The following RBFOX1 variants were observed in gnomAD, a reference collection of about 807,000 sequenced individuals.
The protein encoded by RBFOX1 is RNA binding protein fox-1 homolog 1.
In RBFOX1, 8 loss-of-function variants were observed where a neutral mutation model predicts 57.7. The observed-to-expected ratio is 0.14, with a 90% CI of 0.08 to 0.25. The LOEUF (loss-of-function observed/expected upper bound fraction) is 0.25. Ranked by LOEUF, RBFOX1 falls within the 10% of genes least tolerant of loss-of-function variation. The pLI is 1.00. For missense variants in RBFOX1, 611 were observed against 548.5 expected (o/e 1.11, Z -1.14); for synonymous variants, 326 against 222.4 (o/e 1.47, Z -4.15).
intron 1 of RBFOX1, among the ~76,000 whole-genome samples, chr16:5,349,669 C>T (rs546917357): frequency 4.3e-4 from 66 of 151,860 alleles, no homozygotes; most frequent in African/African-American, 1.5e-3. Context: ...AAAACTGTGT[C>T]TGGGAAGAAA....
chr16:7,252,661 A>T (rs530056416), intron 4 of RBFOX1, among the ~76,000 whole-genome samples: 29 of 149,542 alleles, frequency 1.9e-4, no homozygotes, highest in African/African-American at 7.1e-4. Flanking sequence ...GGTGTCAGCT[A>T]CTTGTCCTAG....
intron 1 of RBFOX1, among the ~76,000 whole-genome samples, chr16:6,030,154 C>G (rs915690920): frequency 5.9e-5 from 9 of 152,154 alleles, no homozygotes; most frequent in African/African-American, 2.2e-4. Flanking sequence ...TCTTGAACTC[C>G]TGGGGTCAAG....
chr16:5,991,644 A>AT (rs1567229399), intron 4 of RBFOX1, among the ~76,000 whole-genome samples: 3 of 78,764 alleles, frequency 3.8e-5, no homozygotes. Flanking sequence ...ATTATTAGAT[A>AT]GTTTTTTTTT....
At chr16:6,678,269 C>T (rs12935190) in intron 3 of RBFOX1, among the ~76,000 whole-genome samples, 22,289 of 152,026 alleles carry the variant, frequency 0.15, 1,768 homozygotes, top group Middle Eastern at 0.19. Flanking sequence ...GGACTGCAGG[C>T]GTGTACCACC....
chr16:7,475,605 C>G (rs1052168215), intron 4 of RBFOX1, among the ~76,000 whole-genome samples: 1 of 151,552 alleles, frequency 6.6e-6, no homozygotes, highest in Non-Finnish European at 1.5e-5. Flanking sequence ...GAGCCACACA[C>G]CCAGCTAGGA....
intron 2 of RBFOX1, among the ~76,000 whole-genome samples, chr16:5,593,613 G>T (rs552705006): frequency 6.6e-6 from 1 of 152,148 alleles, no homozygotes; most frequent in Non-Finnish European, 1.5e-5. Context: ...TCCCACCAGC[G>T]TCATGACAGA....
At chr16:7,506,704 T>G (rs1283447186) in intron 4 of RBFOX1, among the ~76,000 whole-genome samples, 1 of 152,194 alleles carries the variant, frequency 6.6e-6, no homozygotes, top group African/African-American at 2.4e-5. Flanking sequence ...TCGGGTTCTT[T>G]CCCTTACTAA....
chr16:6,657,401 C>T (rs185733049), intron 3 of RBFOX1, among the ~76,000 whole-genome samples: 2 of 152,202 alleles, frequency 1.3e-5, no homozygotes, highest in Admixed American at 1.3e-4. Flanking sequence ...CGCTAATGAT[C>T]CCTGAGGGAC....
intron 3 of RBFOX1, among the ~76,000 whole-genome samples, chr16:6,804,027 G>T (rs1389107630): frequency 6.7e-5 from 10 of 150,294 alleles, no homozygotes; most frequent in Admixed American, 5.9e-4. Flanking sequence ...TTTTTTTCGA[G>T]ATGGAGTCTT....
chr16:7,034,666 T>C (rs1308673025), intron 3 of RBFOX1, among the ~76,000 whole-genome samples: 1 of 151,402 alleles, frequency 6.6e-6, no homozygotes, highest in African/African-American at 2.4e-5. Flanking sequence ...GGGCCCTCTT[T>C]ATTGGGGAGC....
chr16:7,351,386 G>A (rs561062649), intron 4 of RBFOX1, among the ~76,000 whole-genome samples: 1 of 152,378 alleles, frequency 6.6e-6, no homozygotes, highest in Admixed American at 6.5e-5. Flanking sequence ...CTACGTGCAA[G>A]GCACGATGGC....
At chr16:7,684,331 C>T (rs577699646) in intron 14 of RBFOX1, among the ~76,000 whole-genome samples, 3 of 152,060 alleles carry the variant, frequency 2.0e-5, no homozygotes, top group East Asian at 1.9e-4. Context: ...GAATAGGGGC[C>T]ACTATTGGAA....
intron 3 of RBFOX1, among the ~76,000 whole-genome samples, chr16:6,913,312 G>C (rs186191114): frequency 7.8e-4 from 118 of 152,214 alleles, no homozygotes; most frequent in African/African-American, 2.6e-3. Flanking sequence ...CTGTTCAAAA[G>C]ATTCAACTGG....
chr16:5,503,403 A>G (rs995281249), intron 2 of RBFOX1, among the ~76,000 whole-genome samples: 3 of 152,132 alleles, frequency 2.0e-5, no homozygotes, highest in Non-Finnish European at 2.9e-5. Context: ...TAATTCATCA[A>G]TTTCAAGTGT....
chr16:7,033,685 C>T (rs960708653), intron 3 of RBFOX1, among the ~76,000 whole-genome samples: 4 of 152,096 alleles, frequency 2.6e-5, no homozygotes, highest in Admixed American at 1.3e-4. Flanking sequence ...GGGCTTGGTT[C>T]CCTATTGAAC....
rs536940431 is a variant in RBFOX1 at position 7,371,017 on chromosome 16, A to G, written c.28-147130A>G. Among the ~76,000 whole-genome samples the G allele has an allele frequency of 5.9e-5, 9 of 152,244 alleles. No individual in the cohort carries two copies. In the East Asian group the frequency reaches 1.5e-3, roughly 26 times the overall value. On this transcript the variant is annotated intron_variant, in intron 4 of 15. Coordinates refer to ENST00000550418, the MANE Select transcript of RBFOX1 (RefSeq NM_018723.4). ...CAGGACAGGTATTTTATTGGGATGGATGTGTCTGTATTTTTGACTTGCCTG... is the reference window on the plus strand; with the variant it reads ...CAGGACAGGTATTTTATTGGGATGGGTGTGTCTGTATTTTTGACTTGCCTG...
chr16:7,363,480 C>T (rs750423239), intron 4 of RBFOX1, among the ~76,000 whole-genome samples: 4 of 146,036 alleles, frequency 2.7e-5, no homozygotes, highest in Admixed American at 7.2e-5. Flanking sequence ...GAGGTCACCC[C>T]TGGAGCTAAT....
At chr16:7,362,518 G>GTTAC (rs200383807) in intron 4 of RBFOX1, among the ~76,000 whole-genome samples, 2,525 of 110,030 alleles carry the variant, frequency 0.023, 72 homozygotes, top group African/African-American at 0.12. Context: ...TTTTTTGTGT[G>GTTAC]TTTACATGTG....
intron 14 of RBFOX1, among the ~76,000 whole-genome samples, chr16:7,698,355 A>C: frequency 6.6e-6 from 1 of 152,042 alleles, no homozygotes; most frequent in Non-Finnish European, 1.5e-5. Flanking sequence ...GGACACAACC[A>C]TGTGGGGTGA....
Sources: allele counts gnomAD v4.1 joint callset (sites outside exome capture counted in the v4.1 genomes callset), GRCh38; gene constraint gnomAD v4.1.1; transcripts MANE v1.5; gene names NCBI Gene and HGNC (gene_info 2026-07-23, HGNC 2026-07-21).